The following NBEAL1 variants were observed in gnomAD, a reference collection of about 807,000 sequenced individuals.
NBEAL1 encodes the protein neurobeachin-like protein 1.
NBEAL1 carries 273 observed loss-of-function variants against 351.3 expected under a neutral mutation model. That is an observed-to-expected ratio of 0.78 (90% CI 0.70 to 0.86). The LOEUF is 0.86. Ranked by LOEUF, NBEAL1 falls within the 40% of genes least tolerant of loss-of-function variation. NBEAL1 has a pLI of 0.00. For missense variants in NBEAL1, 2,961 were observed against 3,201.3 expected (o/e 0.92, Z 1.81); for synonymous variants, 1,050 against 1,086.4 (o/e 0.97, Z 0.66).
intron 10 of NBEAL1, among the ~76,000 whole-genome samples, chr2:203,091,758 C>G (rs2062069297): frequency 6.6e-6 from 1 of 152,064 alleles, no homozygotes; most frequent in Admixed American, 6.5e-5. Flanking sequence ...TGCTTATTGG[C>G]CATTTGTATA....
intron 10 of NBEAL1, among the ~76,000 whole-genome samples, chr2:203,092,470 C>T (rs1457350027): frequency 1.3e-5 from 2 of 151,846 alleles, no homozygotes; most frequent in Non-Finnish European, 2.9e-5. Context: ...GAGGCTGAGG[C>T]AGAACAGTTG....
intron 16 of NBEAL1, among the ~76,000 whole-genome samples, chr2:203,112,547 A>C (rs990435608): frequency 3.3e-5 from 5 of 152,220 alleles, no homozygotes; most frequent in Non-Finnish European, 7.3e-5. Context: ...CTCAAAGAAC[A>C]CTAGAGGGCC....
chr2:203,120,324 TCCTGGAGTTAGAAC>T (rs1422723647), intron 18 of NBEAL1, among the ~76,000 whole-genome samples: 1 of 152,206 alleles, frequency 6.6e-6, no homozygotes, highest in African/African-American at 2.4e-5. Flanking sequence ...TTCCATTGAA[TCCTGGAGTTAGAAC>T]CCAGCCTGTT....
intron 48 of NBEAL1, 32 bp downstream of exon 48, chr2:203,197,423 A>G (rs1388247405): frequency 1.5e-6 from 2 of 1,290,628 alleles, no homozygotes; most frequent in Non-Finnish European, 2.2e-6. Flanking sequence ...TCACACTGCT[A>G]TGCCTATATT....
At chr2:203,128,870 A>G (rs1390922049) in intron 24 of NBEAL1, among the ~76,000 whole-genome samples, 1 of 152,196 alleles carries the variant, frequency 6.6e-6, no homozygotes. Context: ...TGCTGGGATT[A>G]CAGGCATCAG....
intron 24 of NBEAL1, 77 bp downstream of exon 24, chr2:203,128,014 G>A: frequency 1.8e-6 from 2 of 1,100,996 alleles, no homozygotes; most frequent in Admixed American, 5.0e-5. Context: ...GTATGTTTGT[G>A]TCTAGTTAAA....
intron 7 of NBEAL1, among the ~76,000 whole-genome samples, chr2:203,069,121 C>T (rs1418113516): frequency 6.6e-6 from 1 of 152,186 alleles, no homozygotes; most frequent in Non-Finnish European, 1.5e-5. Context: ...TATATGCCAT[C>T]TTTCAAAAAT....
intron 48 of NBEAL1, among the ~76,000 whole-genome samples, chr2:203,198,812 A>G (rs990129779): frequency 1.3e-5 from 2 of 151,392 alleles, no homozygotes; most frequent in African/African-American, 4.9e-5. Flanking sequence ...AGCTGAGATC[A>G]TGCCACTGCA....
At position 203,083,475 on chromosome 2, in the gene NBEAL1, G is replaced by C. The variant is rs768319620; in HGVS notation, c.941G>C (p.Arg314Thr). ...CATTCAGCTTTACCTAATCAAAGGA[G>C]GTCCAGACAGTGGGAAAACCGATTT... is the stretch of plus-strand genomic sequence containing the variant. ...SDHSALPNQR[R>T]SRQWENRFIA... The change falls in exon 9 of 56, where the codon AGG (arginine) becomes ACG (threonine). Residue 314 changes from arginine (R) to threonine (T), a missense_variant. Physicochemically the swap from Arg to Thr is moderately conservative, Grantham distance 71. Coordinates refer to ENST00000683969, the MANE Select transcript of NBEAL1 (RefSeq NM_001378026.1). 1 of 1,551,726 alleles carries C rather than the reference G, an allele frequency of 6.4e-7. No homozygotes were observed. The highest frequency in any genetic ancestry group is 8.7e-7 in the Non-Finnish European group (1 of 1,146,786).
Position 203,019,109 on chromosome 2 carries a change from C to T in NBEAL1, c.51+2674C>T, listed in dbSNP as rs145998039. ...ACCTTAGAGTTTTCTACAGTTTGAA[C>T]GTTTTGCTCATTGAATTCCCTTGAT... On this transcript the variant is annotated intron_variant, in intron 2 of 55. Coordinates refer to ENST00000683969, the MANE Select transcript of NBEAL1 (RefSeq NM_001378026.1). Among the ~76,000 whole-genome samples, 24 of 152,210 alleles carry T rather than the reference C, an allele frequency of 1.6e-4. 1 individual carries two copies. The highest frequency in any genetic ancestry group is 5.1e-4 in the African/African-American group (21 of 41,540).
intron 52 of NBEAL1, 80 bp downstream of exon 52, chr2:203,208,833 G>C (rs1265414015): frequency 9.7e-7 from 1 of 1,035,090 alleles, no homozygotes; most frequent in Non-Finnish European, 1.4e-6. Context: ...AAGTTTTTCA[G>C]AGGAATTGAT....
At chr2:203,087,409 C>T (rs1330510266) in intron 10 of NBEAL1, among the ~76,000 whole-genome samples, 1 of 152,054 alleles carries the variant, frequency 6.6e-6, no homozygotes, top group Non-Finnish European at 1.5e-5. Context: ...CCCTTATCCC[C>T]TTCTACATTG....
chr2:203,068,517 T>C (rs1362303803), intron 7 of NBEAL1, 42 bp downstream of exon 7: 1 of 1,074,522 alleles, frequency 9.3e-7, no homozygotes, highest in Non-Finnish European at 1.4e-6. Context: ...ATTATCATCT[T>C]ACTCTGATTA....
At chr2:203,101,730 G>A (rs898625840) in intron 12 of NBEAL1, among the ~76,000 whole-genome samples, 2 of 152,016 alleles carry the variant, frequency 1.3e-5, no homozygotes, top group Non-Finnish European at 2.9e-5. Context: ...CAAGTAGCTG[G>A]GATTACAGGT....
chr2:203,174,089 CTT>C (rs1246244293), intron 41 of NBEAL1, among the ~76,000 whole-genome samples: 2 of 148,634 alleles, frequency 1.3e-5, no homozygotes, highest in Non-Finnish European at 3.0e-5. Context: ...TCCACCATCT[CTT>C]TTTTCTTTTA....
At chr2:203,196,099 G>A (rs942818266) in intron 47 of NBEAL1, among the ~76,000 whole-genome samples, 2 of 152,140 alleles carry the variant, frequency 1.3e-5, no homozygotes, top group African/African-American at 2.4e-5. Flanking sequence ...AACAACACAA[G>A]ACCCTATTTG....
rs1332159113 is a variant in NBEAL1 at position 203,127,873 on chromosome 2, G to A, written c.3341G>A (p.Gly1114Asp). 2 of 1,551,230 alleles carry A rather than the reference G, an allele frequency of 1.3e-6. No homozygotes were observed. The highest frequency in any genetic ancestry group is 1.7e-6 in the Non-Finnish European group (2 of 1,144,726). ...YGLIKYFLCKGGSHEEIQSIM... is the reference protein window; with the variant it reads ...YGLIKYFLCKDGSHEEIQSIM... ...CTAATTAAATATTTTCTGTGCAAAGGTGGATCTCATGAAGAGATACAAAGT... is the reference window on the plus strand; with the variant it reads ...CTAATTAAATATTTTCTGTGCAAAGATGGATCTCATGAAGAGATACAAAGT... The change falls in exon 24 of 56, where the codon GGT becomes GAT. Residue 1114 changes from glycine (G) to aspartate (D), a missense_variant. Transcript: ENST00000683969.
intron 2 of NBEAL1, among the ~76,000 whole-genome samples, chr2:203,022,456 T>G (rs2060787926): frequency 6.6e-6 from 1 of 152,138 alleles, no homozygotes; most frequent in Admixed American, 6.5e-5. Context: ...GTATTAGAGG[T>G]GATATTTAGT....
chr2:203,140,199 G>A (rs1325434329), intron 31 of NBEAL1, among the ~76,000 whole-genome samples: 1 of 151,780 alleles, frequency 6.6e-6, no homozygotes, highest in Non-Finnish European at 1.5e-5. Flanking sequence ...GCTATTTGGG[G>A]TGCTGAGGTA....
Sources: allele counts gnomAD v4.1 joint callset (sites outside exome capture counted in the v4.1 genomes callset), GRCh38; gene constraint gnomAD v4.1.1; transcripts MANE v1.5; gene names NCBI Gene and HGNC (gene_info 2026-07-23, HGNC 2026-07-21).